Variants in RFC5 observed in about 807,000 individuals in gnomAD.
RFC5 encodes the protein replication factor C subunit 5.
Under a neutral mutation model 44.3 loss-of-function variants are expected in RFC5, and 26 were observed. The ratio of observed to expected loss-of-function variants is 0.59; its 90% confidence interval spans 0.43 to 0.81. The LOEUF (loss-of-function observed/expected upper bound fraction) is 0.81. RFC5 is among the 40% of genes least tolerant of loss of function. The pLI is 0.00. For missense variants in RFC5, 328 were observed against 418.6 expected, an observed-to-expected ratio of 0.78 and a Z score of 1.89; for synonymous variants, 155 against 155.2, an observed-to-expected ratio of 1.00 and a Z score of 0.01.
downstream of RFC5, chr12:118,032,870 T>G (rs1044141488): frequency 6.6e-6 from 1 of 152,166 alleles, no homozygotes. Flanking sequence ...GGACTTTTTT[T>G]TTTCTTAATG....
At chr12:118,032,514 C>T (rs1323809579), downstream of RFC5, 1 of 152,176 alleles carries the variant, frequency 6.6e-6, no homozygotes, top group Non-Finnish European at 1.5e-5. Flanking sequence ...GTCACCCAGG[C>T]TGGAATACCG....
In RFC5 at chr12:118,031,906, A is replaced by C. The variant is rs1232839584; in HGVS notation, c.*628A>C. 2 of 152,242 alleles carry C rather than the reference A, an allele frequency of 1.3e-5. No individual in the cohort carries two copies. Among genetic ancestry groups the C allele is most frequent in the African/African-American group, 4.8e-5 (2 of 41,470 alleles). The allele number at this position is 152,242 out of a possible 1,614,324, so 9.4% of individuals were successfully genotyped here. On this transcript the variant is annotated 3_prime_UTR_variant, in exon 11 of 11. Coordinates refer to ENST00000454402, the MANE Select transcript of RFC5 (RefSeq NM_007370.7). Reference sequence around the variant, plus strand: ...AATTTTAAATATAATATAGAGCCTTAAACTATGCCACTGGGTGGCAGAGGC... The same window carrying C: ...AATTTTAAATATAATATAGAGCCTTCAACTATGCCACTGGGTGGCAGAGGC...
At chr12:118,034,942 T>C, downstream of RFC5, 3 of 1,584,874 alleles carry the variant, frequency 1.9e-6, no homozygotes, top group African/African-American at 1.3e-5. Flanking sequence ...CATGGTATAC[T>C]CAGCAGAAAG....
chr12:118,024,940 A>G lies in RFC5; in HGVS notation c.511A>G (p.Arg171Gly). ...CCCTGCCTTGCAGTCCCGCTGCACG[A>G]GGTTTCGGTTCGGTCCCCTGACTCC... ...IIPALQSRCT[R>G]FRFGPLTPEL... The change falls in exon 6 of 11, where the codon AGG becomes GGG. Residue 171 changes from arginine to glycine, a missense_variant. Transcript: ENST00000454402. 6.2e-7 allele frequency: 1 copy of G among 1,613,964 alleles called. No individual in the cohort carries two copies. Among genetic ancestry groups the G allele is most frequent in the African/African-American group, 1.3e-5 (1 of 75,010 alleles).
chr12:118,017,633 AC>A, intron 1 of RFC5: 1 of 1,038,266 alleles, frequency 9.6e-7, no homozygotes, highest in East Asian at 6.8e-5. Context: ...GTTAAAAAAA[AC>A]CCAGAAGATT....
intron 7 of RFC5, among the ~76,000 whole-genome samples, 163 bp downstream of exon 7, chr12:118,025,991 C>T (rs567417611): frequency 1.4e-4 from 21 of 151,792 alleles, no homozygotes; most frequent in Non-Finnish European, 2.2e-4. Flanking sequence ...TACAGGTGCC[C>T]GCCACCACGC....
the RFC5 span, among the ~76,000 whole-genome samples, chr12:118,040,224 G>A: frequency 6.6e-6 from 1 of 152,206 alleles, no homozygotes; most frequent in Admixed American, 6.5e-5. Context: ...TCAGGGTGCT[G>A]GGAGTACTGA....
chr12:118,022,026 G>A (rs1241311903), intron 4 of RFC5, among the ~76,000 whole-genome samples: 1 of 152,170 alleles, frequency 6.6e-6, no homozygotes, highest in African/African-American at 2.4e-5. Flanking sequence ...GCATGGTAGG[G>A]TGCCATGTGG....
chr12:118,024,802 A>T (rs1309915772), intron 5 of RFC5, 49 bp from the exon 6 acceptor site: 1 of 1,535,370 alleles, frequency 6.5e-7, no homozygotes, highest in Non-Finnish European at 8.8e-7. Context: ...GGCTCTCTGA[A>T]AAATCAGAAT....
intron 7 of RFC5, among the ~76,000 whole-genome samples, chr12:118,026,592 C>T (rs1037171288): frequency 6.6e-6 from 1 of 152,128 alleles, no homozygotes; most frequent in African/African-American, 2.4e-5. Flanking sequence ...GAGCAAGACC[C>T]TGTCTCAAAA....
intron 4 of RFC5, 113 bp from the exon 5 acceptor site, chr12:118,022,173 G>T: frequency 1.2e-6 from 1 of 825,458 alleles, no homozygotes; most frequent in South Asian, 1.5e-5. Flanking sequence ...AGTTCTAGAA[G>T]AAATTGTCTT....
At chr12:118,017,675 AT>A (rs543384549) in intron 1 of RFC5, 106,159 of 743,328 alleles carry the variant, frequency 0.14, no homozygotes, top group South Asian at 0.19. Context: ...GTATTTACGT[AT>A]TTTTTTTTTT....
chr12:118,025,952 G>C (rs547570083), intron 7 of RFC5, 124 bp downstream of exon 7: 1 of 620,146 alleles, frequency 1.6e-6, no homozygotes, highest in East Asian at 2.8e-5. Context: ...GGGTTCAAGC[G>C]AATCTCCTGC....
chr12:118,027,279 C>T (rs1184105771), intron 8 of RFC5: 2 of 429,592 alleles, frequency 4.7e-6, no homozygotes, highest in African/African-American at 2.0e-5. Flanking sequence ...AAGCTTAGGC[C>T]TTGGCATTGA....
chr12:118,029,955 GAT>G, intron 10 of RFC5, 130 bp downstream of exon 10: 1 of 727,936 alleles, frequency 1.4e-6, no homozygotes, highest in Non-Finnish European at 2.4e-6. Context: ...CTAGTCTGGT[GAT>G]ATTGAATGGA....
chr12:118,024,389 A>G (rs2030787542), intron 5 of RFC5, among the ~76,000 whole-genome samples: 1 of 151,498 alleles, frequency 6.6e-6, no homozygotes, highest in Non-Finnish European at 1.5e-5. Flanking sequence ...ACAGGCCAGC[A>G]CTGCCCTGTC....
intron 5 of RFC5, among the ~76,000 whole-genome samples, chr12:118,023,009 A>G (rs752307966): frequency 2.4e-4 from 36 of 152,088 alleles, no homozygotes; most frequent in Non-Finnish European, 4.0e-4. Context: ...TCAATTTCAG[A>G]GTTGGGAATT....
intron 1 of RFC5, chr12:118,018,092 G>T (rs1445224252): frequency 2.9e-6 from 2 of 686,744 alleles, no homozygotes; most frequent in African/African-American, 1.8e-5. Flanking sequence ...TTTGTGTCTG[G>T]TTTCTTTCAC....
intron 9 of RFC5, among the ~76,000 whole-genome samples, chr12:118,028,642 TAA>T (rs774341657): frequency 2.2e-5 from 3 of 135,974 alleles, no homozygotes; most frequent in Non-Finnish European, 4.8e-5. Flanking sequence ...TTCACATTTC[TAA>T]AAAAAAAAAA....
Sources: allele counts gnomAD v4.1 joint callset (sites outside exome capture counted in the v4.1 genomes callset), GRCh38; gene constraint gnomAD v4.1.1; transcripts MANE v1.5; gene names NCBI Gene and HGNC (gene_info 2026-07-23, HGNC 2026-07-21).